GRID2: variants seen among roughly 807,000 people sequenced by gnomAD.
GRID2 encodes the protein glutamate receptor ionotropic, delta-2.
In GRID2, 33 loss-of-function variants were observed where a neutral mutation model predicts 114.8. That is an observed-to-expected ratio of 0.29 (90% CI 0.22 to 0.38). The LOEUF (loss-of-function observed/expected upper bound fraction) is 0.38, where lower values mean the gene tolerates loss of function less well. Among genes scored for constraint, GRID2 ranks in the 10% least tolerant of loss-of-function variants. The pLI is 1.00. For synonymous variants in GRID2, 505 were observed against 449.9 expected, an observed-to-expected ratio of 1.12 and a Z score of -1.55; for missense variants, 1,184 against 1,257.7, an observed-to-expected ratio of 0.94 and a Z score of 0.89.
At chr4:93,365,697 A>C (rs183741831) in intron 8 of GRID2, among the ~76,000 whole-genome samples, 224 of 152,288 alleles carry the variant, frequency 1.5e-3, no homozygotes, top group African/African-American at 5.0e-3. Context: ...GATAGTTCTC[A>C]TATAGTTCAG....
intron 14 of GRID2, among the ~76,000 whole-genome samples, chr4:93,705,297 T>TTTG (rs886182984): frequency 1.3e-5 from 2 of 151,992 alleles, no homozygotes; most frequent in East Asian, 1.9e-4. Flanking sequence ...TAGTTTTTGT[T>TTTG]TTGTTGTTGT....
At chr4:93,517,945 ATACATG>A (rs1729908254) in intron 13 of GRID2, among the ~76,000 whole-genome samples, 1 of 35,480 alleles carries the variant, frequency 2.8e-5, no homozygotes, top group Admixed American at 2.4e-4. Flanking sequence ...ATGTATATAC[ATACATG>A]TATATGTATG....
At chr4:93,610,870 A>T (rs1229957244) in intron 13 of GRID2, among the ~76,000 whole-genome samples, 1 of 136,940 alleles carries the variant, frequency 7.3e-6, no homozygotes. Flanking sequence ...TATTGATTGG[A>T]ATAGTTTCAG....
At chr4:92,766,847 G>T (rs1386402412) in intron 2 of GRID2, among the ~76,000 whole-genome samples, 3 of 152,146 alleles carry the variant, frequency 2.0e-5, no homozygotes, top group Non-Finnish European at 2.9e-5. Flanking sequence ...TTCACAGATT[G>T]ATTTTAGATG....
intron 14 of GRID2, among the ~76,000 whole-genome samples, chr4:93,740,968 T>C (rs1334686106): frequency 6.6e-6 from 1 of 151,504 alleles, no homozygotes; most frequent in Non-Finnish European, 1.5e-5. Context: ...TGAATTAAGA[T>C]AATACATTTG....
intron 1 of GRID2, among the ~76,000 whole-genome samples, chr4:92,464,074 C>A (rs1188730563): frequency 6.6e-6 from 1 of 151,972 alleles, no homozygotes; most frequent in East Asian, 1.9e-4. Flanking sequence ...TCTTAAAATA[C>A]CCTTTTCTAA....
chr4:92,466,995 A>G (rs1321363602), intron 1 of GRID2, among the ~76,000 whole-genome samples: 1 of 151,800 alleles, frequency 6.6e-6, no homozygotes, highest in Non-Finnish European at 1.5e-5. Flanking sequence ...TTAATTATCA[A>G]TGATAATTCT....
intron 1 of GRID2, among the ~76,000 whole-genome samples, chr4:92,504,487 T>G (rs1029577406): frequency 2.0e-5 from 3 of 152,084 alleles, no homozygotes; most frequent in African/African-American, 7.2e-5. Context: ...CAGAAGAGAA[T>G]GGACCAATTG....
At chr4:93,783,592 G>T (rs529493962) in intron 1 of GRID2, among the ~76,000 whole-genome samples, 16 of 152,188 alleles carry the variant, frequency 1.1e-4, no homozygotes, top group Non-Finnish European at 2.1e-4. Flanking sequence ...CATTGTAGGA[G>T]CTTAGAAAAC....
At chr4:92,424,741 A>C (rs1160486399) in intron 1 of GRID2, among the ~76,000 whole-genome samples, 8 of 151,620 alleles carry the variant, frequency 5.3e-5, no homozygotes. Context: ...GAAAAAAAAA[A>C]ACCACAAGGA....
intron 2 of GRID2, among the ~76,000 whole-genome samples, chr4:92,949,690 A>C (rs901310053): frequency 1.7e-4 from 26 of 151,736 alleles, no homozygotes; most frequent in Admixed American, 4.6e-4. Flanking sequence ...CGGAGCACTC[A>C]ATGAGGTCAA....
chr4:92,616,982 G>A (rs904006170), intron 2 of GRID2, among the ~76,000 whole-genome samples: 4 of 151,328 alleles, frequency 2.6e-5, no homozygotes, highest in African/African-American at 4.9e-5. Flanking sequence ...AATGTATAGT[G>A]ATTATATACA....
intron 1 of GRID2, among the ~76,000 whole-genome samples, chr4:92,438,467 G>GTT (rs1235421855): frequency 6.6e-6 from 1 of 151,360 alleles, no homozygotes; most frequent in African/African-American, 2.4e-5. Context: ...CATTTTCTTT[G>GTT]TTTTTATTTA....
chr4:93,179,939 A>G (rs1371296767), intron 4 of GRID2, among the ~76,000 whole-genome samples: 1 of 152,196 alleles, frequency 6.6e-6, no homozygotes, highest in African/African-American at 2.4e-5. Flanking sequence ...GTGTATTTAA[A>G]GAAAGATAAA....
At chr4:93,523,156 G>T (rs1159865406) in intron 13 of GRID2, among the ~76,000 whole-genome samples, 1 of 152,166 alleles carries the variant, frequency 6.6e-6, no homozygotes, top group African/African-American at 2.4e-5. Flanking sequence ...TCCTGTCCCA[G>T]TGGTATGAGT....
At chr4:92,362,191 T>C (rs1299521673) in intron 1 of GRID2, among the ~76,000 whole-genome samples, 1 of 151,958 alleles carries the variant, frequency 6.6e-6, no homozygotes. Context: ...CTTGTGTTGG[T>C]GTTATCTTTG....
intron 12 of GRID2, among the ~76,000 whole-genome samples, chr4:93,510,958 A>G (rs1729102826): frequency 6.6e-6 from 1 of 152,124 alleles, no homozygotes; most frequent in Non-Finnish European, 1.5e-5. Flanking sequence ...TTCCTTTGAG[A>G]GGGAGTCTCG....
intron 8 of GRID2, among the ~76,000 whole-genome samples, chr4:93,327,239 G>A (rs1757929666): frequency 1.3e-5 from 2 of 152,104 alleles, no homozygotes. Flanking sequence ...TACAAAGACT[G>A]CATGATATTC....
intron 11 of GRID2, among the ~76,000 whole-genome samples, chr4:93,489,571 A>C (rs924632435): frequency 8.0e-4 from 122 of 152,038 alleles, no homozygotes; most frequent in Non-Finnish European, 5.9e-4. Context: ...TCTAGAATGT[A>C]AGTAAATGGG....
Sources: allele counts gnomAD v4.1 joint callset (sites outside exome capture counted in the v4.1 genomes callset), GRCh38; gene constraint gnomAD v4.1.1; transcripts MANE v1.5; gene names NCBI Gene and HGNC (gene_info 2026-07-23, HGNC 2026-07-21).